Variants in SGCZ observed in about 807,000 individuals in gnomAD.
SGCZ encodes zeta-sarcoglycan.
Under a neutral mutation model 41.3 loss-of-function variants are expected in SGCZ, and 40 were observed. The ratio of observed to expected loss-of-function variants is 0.97; its 90% CI spans 0.75 to 1.26. The LOEUF (loss-of-function observed/expected upper bound fraction) is 1.26. SGCZ is among the 50% of genes most tolerant of loss of function. The pLI, the probability that SGCZ is intolerant of heterozygous loss-of-function variation, is 0.00. For synonymous variants in SGCZ, 206 were observed against 137.5 expected (o/e 1.50, Z -3.49); for missense variants, 552 against 369.8 (o/e 1.49, Z -4.04).
At chr8:15,072,153 C>A (rs1315966477) in intron 1 of SGCZ, among the ~76,000 whole-genome samples, 1 of 152,124 alleles carries the variant, frequency 6.6e-6, no homozygotes, top group Non-Finnish European at 1.5e-5. Flanking sequence ...ATTTTCTAGG[C>A]AACCTCTCAA....
chr8:14,300,256 A>C (rs555675947), intron 3 of SGCZ, among the ~76,000 whole-genome samples: 3 of 151,780 alleles, frequency 2.0e-5, no homozygotes, highest in Non-Finnish European at 4.4e-5. Flanking sequence ...GGAAGGAAGG[A>C]AGGAAAAAAG....
intron 4 of SGCZ, among the ~76,000 whole-genome samples, chr8:14,195,929 T>C (rs1328473820): frequency 6.6e-6 from 1 of 152,228 alleles, no homozygotes; most frequent in East Asian, 1.9e-4. Context: ...AGAATGCAAA[T>C]GACATCAGAT....
intron 1 of SGCZ, among the ~76,000 whole-genome samples, chr8:14,819,131 T>TAAA (rs57311975): frequency 2.8e-5 from 4 of 144,400 alleles, no homozygotes; most frequent in South Asian, 2.2e-4. Flanking sequence ...GACAGAATTC[T>TAAA]AAAAAAAAAA....
chr8:15,017,058 A>C (rs1391064042), intron 1 of SGCZ, among the ~76,000 whole-genome samples: 2 of 152,220 alleles, frequency 1.3e-5, no homozygotes, highest in African/African-American at 2.4e-5. Flanking sequence ...ACATTTCAGC[A>C]TGAGACTTGG....
At chr8:14,808,192 C>T (rs1017145773) in intron 1 of SGCZ, among the ~76,000 whole-genome samples, 21 of 152,160 alleles carry the variant, frequency 1.4e-4, no homozygotes, top group South Asian at 2.1e-4. Context: ...ATGTCTAAAA[C>T]ACCAAAAGCA....
chr8:14,930,772 T>G (rs1185292165), intron 1 of SGCZ, among the ~76,000 whole-genome samples: 1 of 151,912 alleles, frequency 6.6e-6, no homozygotes, highest in Non-Finnish European at 1.5e-5. Flanking sequence ...CATTCATAAT[T>G]GAACAATGAG....
At chr8:14,544,764 G>A (rs532227729) in intron 2 of SGCZ, among the ~76,000 whole-genome samples, 3 of 152,152 alleles carry the variant, frequency 2.0e-5, no homozygotes, top group Admixed American at 6.5e-5. Flanking sequence ...AAGACAATAC[G>A]TGCACCACTG....
At chr8:14,526,000 G>C (rs1399843272) in intron 2 of SGCZ, among the ~76,000 whole-genome samples, 1 of 151,976 alleles carries the variant, frequency 6.6e-6, no homozygotes, top group East Asian at 1.9e-4. Context: ...AGCAGTAGTA[G>C]TATTAGGTTT....
At chr8:14,394,502 T>C (rs971241413) in intron 2 of SGCZ, among the ~76,000 whole-genome samples, 1 of 152,182 alleles carries the variant, frequency 6.6e-6, no homozygotes, top group Non-Finnish European at 1.5e-5. Flanking sequence ...AAGAAACACT[T>C]TTTAATGATG....
Position 15,211,119 on chromosome 8 carries a change from A to G in SGCZ, c.39+26466T>C, listed in dbSNP as rs137869683. On this transcript the variant is annotated intron_variant, in intron 1 of 7. Transcript: ENST00000382080. ...TATATATAGCTATATCTAGATATTG[A>G]TGTATCTATACCTACACAGATATTC... 7.8e-4 allele frequency among the ~76,000 whole-genome samples: 118 copies of G among 151,432 alleles called. No individual in the cohort carries two copies. The East Asian group carries it at 0.015, about 19-fold the overall frequency.
intron 3 of SGCZ, among the ~76,000 whole-genome samples, chr8:14,297,263 G>C (rs1801045099): frequency 6.6e-6 from 1 of 151,882 alleles, no homozygotes; most frequent in Non-Finnish European, 1.5e-5. Flanking sequence ...TGAGGATATA[G>C]ATATAGAAAG....
In SGCZ at chr8:15,237,650, G is replaced by C; in HGVS notation, c.-27C>G. The C allele has an allele frequency of 6.4e-7, 1 of 1,573,962 alleles. No individual in the cohort carries two copies. The highest frequency in any genetic ancestry group is 8.6e-7 in the Non-Finnish European group (1 of 1,157,630). On this transcript the variant is annotated 5_prime_UTR_variant, in exon 1 of 8. Coordinates refer to ENST00000382080, the MANE Select transcript of SGCZ (RefSeq NM_139167.4). Reference sequence around the variant, plus strand: ...GAGCGCAACTAAACGAAGTGGAGAGGAACCGGGCGAGTGGCACCCAAAAAC... The same window carrying C: ...GAGCGCAACTAAACGAAGTGGAGAGCAACCGGGCGAGTGGCACCCAAAAAC...
chr8:14,403,827 G>A (rs572865508), intron 2 of SGCZ, among the ~76,000 whole-genome samples: 1 of 152,004 alleles, frequency 6.6e-6, no homozygotes, highest in African/African-American at 2.4e-5. Flanking sequence ...GGTAACTGGA[G>A]ATAAAACTCT....
intron 1 of SGCZ, among the ~76,000 whole-genome samples, chr8:14,851,254 T>G (rs746881696): frequency 6.7e-6 from 1 of 149,784 alleles, no homozygotes; most frequent in Non-Finnish European, 1.5e-5. Flanking sequence ...CTGTAGTCCC[T>G]GCTACTTGGG....
At chr8:14,511,770 G>A (rs1272160474) in intron 2 of SGCZ, among the ~76,000 whole-genome samples, 1 of 152,080 alleles carries the variant, frequency 6.6e-6, no homozygotes. Flanking sequence ...CAAAGTTACT[G>A]TAGTTCCCAA....
chr8:14,444,731 G>A (rs959334126), intron 2 of SGCZ, among the ~76,000 whole-genome samples: 1 of 151,886 alleles, frequency 6.6e-6, no homozygotes, highest in Non-Finnish European at 1.5e-5. Flanking sequence ...GTTAATGGGT[G>A]CAGCACACCC....
At chr8:14,358,186 A>C (rs1803364675) in intron 2 of SGCZ, among the ~76,000 whole-genome samples, 1 of 152,204 alleles carries the variant, frequency 6.6e-6, no homozygotes, top group Non-Finnish European at 1.5e-5. Flanking sequence ...CCGTGGGCTA[A>C]ACATTCAAGG....
intron 1 of SGCZ, among the ~76,000 whole-genome samples, chr8:14,853,873 G>C (rs1803440387): frequency 6.6e-6 from 1 of 151,722 alleles, no homozygotes; most frequent in African/African-American, 2.4e-5. Flanking sequence ...GCTTTCACAT[G>C]ACTACAGCTT....
chr8:14,512,241 C>T (rs1802487683), intron 2 of SGCZ, among the ~76,000 whole-genome samples: 1 of 152,098 alleles, frequency 6.6e-6, no homozygotes, highest in South Asian at 2.1e-4. Flanking sequence ...TGCCTATTAA[C>T]ATAAGCAGGT....
Sources: allele counts gnomAD v4.1 joint callset (sites outside exome capture counted in the v4.1 genomes callset), GRCh38; gene constraint gnomAD v4.1.1; transcripts MANE v1.5; gene names NCBI Gene and HGNC (gene_info 2026-07-23, HGNC 2026-07-21).